Variants in CPPED1 observed in about 807,000 individuals in gnomAD.
The protein encoded by CPPED1 is serine/threonine-protein phosphatase CPPED1.
A neutral mutation model predicts 28.0 loss-of-function variants in CPPED1; 28 were observed. The ratio of observed to expected loss-of-function variants is 1.00; its 90% CI spans 0.74 to 1.37. The LOEUF is 1.37. CPPED1 is among the 40% of genes most tolerant of loss of function. CPPED1 has a pLI of 0.00. For missense variants in CPPED1, 504 were observed against 416.5 expected (o/e 1.21, Z -1.83); for synonymous variants, 198 against 180.2 (o/e 1.10, Z -0.79).
At chr16:12,794,433 AG>A (rs200654320) in intron 1 of CPPED1, among the ~76,000 whole-genome samples, 1 of 148,888 alleles carries the variant, frequency 6.7e-6, no homozygotes, top group African/African-American at 2.5e-5. Context: ...AAAAAAAAAT[AG>A]TGTCCTTCAG....
chr16:12,714,389 C>T (rs548776525), intron 2 of CPPED1, among the ~76,000 whole-genome samples: 9 of 152,292 alleles, frequency 5.9e-5, no homozygotes, highest in African/African-American at 1.9e-4. Context: ...TCCAAAGCAC[C>T]ATCCTACATT....
At chr16:12,766,630 G>A (rs1291367916) in intron 2 of CPPED1, among the ~76,000 whole-genome samples, 4 of 152,134 alleles carry the variant, frequency 2.6e-5, no homozygotes, top group Non-Finnish European at 5.9e-5. Flanking sequence ...CATATCAGGT[G>A]TGGTGGCGGG....
chr16:12,747,708 G>A (rs77228518), intron 2 of CPPED1, among the ~76,000 whole-genome samples: 6,548 of 152,098 alleles, frequency 0.043, 492 homozygotes, highest in African/African-American at 0.15. Context: ...ATGAGCCACC[G>A]CGCCCGGCCT....
At chr16:12,705,801 C>A (rs544729461) in intron 2 of CPPED1, among the ~76,000 whole-genome samples, 4 of 152,338 alleles carry the variant, frequency 2.6e-5, no homozygotes, top group South Asian at 2.1e-4. Flanking sequence ...GCCACCGCGC[C>A]GGGCAGAACA....
intron 1 of CPPED1, among the ~76,000 whole-genome samples, chr16:12,799,670 A>T (rs1262063724): frequency 6.6e-6 from 1 of 152,238 alleles, no homozygotes; most frequent in African/African-American, 2.4e-5. Context: ...CGATGCTAAT[A>T]GAGTCAGGAC....
chr16:12,714,927 C>G (rs2080099456), intron 2 of CPPED1, among the ~76,000 whole-genome samples: 1 of 151,418 alleles, frequency 6.6e-6, no homozygotes, highest in African/African-American at 2.4e-5. Context: ...CTAGTTTTAG[C>G]TCTTCTTTGG....
chr16:12,708,175 GA>G (rs60085959), intron 2 of CPPED1, among the ~76,000 whole-genome samples: 13 of 148,902 alleles, frequency 8.7e-5, no homozygotes, highest in African/African-American at 1.5e-4. Flanking sequence ...TTTATTGTTG[GA>G]AAAAAAAAAG....
At chr16:12,739,362 C>T (rs1388921990) in intron 2 of CPPED1, among the ~76,000 whole-genome samples, 1 of 152,020 alleles carries the variant, frequency 6.6e-6, no homozygotes, top group East Asian at 1.9e-4. Context: ...GGTGGATCAC[C>T]TGAGGTCAGG....
In CPPED1 at chr16:12,664,889, T is replaced by C; in HGVS notation, c.942A>G (p.Lys314=). The change falls in exon 4 of 4, where the codon AAA becomes AAG. Residue 314 remains lysine, a synonymous_variant. Transcript: ENST00000381774. This position sits in a 1 kb window ranked among gnomAD's most constrained non-coding sequence, Gnocchi z 4.2. Reference sequence around the variant, plus strand: ...TGAACGGGAACGGGAAGGAGCGTCATTTTTTCTTGATCAAATCCATGAGAT... The same window carrying C: ...TGAACGGGAACGGGAAGGAGCGTCACTTTTTCTTGATCAAATCCATGAGAT... ...EDDLMDLIKK[K] 2 of 1,606,656 alleles carry C rather than the reference T, an allele frequency of 1.2e-6. No individual in the cohort carries two copies. The highest frequency in any genetic ancestry group is 1.1e-5 in the South Asian group (1 of 89,712).
intron 2 of CPPED1, among the ~76,000 whole-genome samples, chr16:12,771,530 G>A (rs896532921): frequency 1.3e-5 from 2 of 152,324 alleles, no homozygotes; most frequent in Admixed American, 1.3e-4. Context: ...GGGAGAAGGC[G>A]AACTAGCAGA....
At chr16:12,787,969 A>T (rs1329476956) in intron 1 of CPPED1, among the ~76,000 whole-genome samples, 2 of 152,202 alleles carry the variant, frequency 1.3e-5, no homozygotes, top group Non-Finnish European at 1.5e-5. Context: ...GCTCACTTAC[A>T]TAGTGGTTAG....
chr16:12,786,646 C>T (rs946824425), intron 1 of CPPED1, among the ~76,000 whole-genome samples: 1 of 152,158 alleles, frequency 6.6e-6, no homozygotes, highest in Non-Finnish European at 1.5e-5. Flanking sequence ...TTGGGTTGGG[C>T]ATGGTGGCTC....
chr16:12,666,531 T>A (rs988692120), intron 3 of CPPED1, among the ~76,000 whole-genome samples: 13 of 152,204 alleles, frequency 8.5e-5, no homozygotes, highest in African/African-American at 2.9e-4. Flanking sequence ...TTATTTTTTT[T>A]AAAGACCTGA....
At chr16:12,711,264 A>G (rs2080078436) in intron 2 of CPPED1, among the ~76,000 whole-genome samples, 2 of 152,226 alleles carry the variant, frequency 1.3e-5, no homozygotes, top group South Asian at 4.1e-4. Flanking sequence ...TGTCACTTAT[A>G]TGAGGCACTT....
intron 2 of CPPED1, among the ~76,000 whole-genome samples, chr16:12,779,668 C>T (rs996329691): frequency 3.3e-5 from 5 of 152,030 alleles, no homozygotes; most frequent in Non-Finnish European, 4.4e-5. Context: ...TAAGCCACCG[C>T]GCCCGGCCAT....
intron 2 of CPPED1, among the ~76,000 whole-genome samples, chr16:12,721,583 T>C (rs2141198637): frequency 6.6e-6 from 1 of 152,050 alleles, no homozygotes; most frequent in South Asian, 2.1e-4. Flanking sequence ...TGAAACCTCG[T>C]CCCTACTAAA....
At chr16:12,764,460 C>G (rs990168625) in intron 2 of CPPED1, among the ~76,000 whole-genome samples, 2 of 152,164 alleles carry the variant, frequency 1.3e-5, no homozygotes, top group African/African-American at 4.8e-5. Flanking sequence ...ACCTTGGCCT[C>G]TCAAAGTGCT....
chr16:12,731,569 G>C (rs1356549764), intron 2 of CPPED1, among the ~76,000 whole-genome samples: 1 of 151,800 alleles, frequency 6.6e-6, no homozygotes, highest in Non-Finnish European at 1.5e-5. Context: ...CAACAGGAGT[G>C]GTCTCTGGGG....
intron 3 of CPPED1, among the ~76,000 whole-genome samples, chr16:12,669,793 G>C (rs1242377746): frequency 6.6e-6 from 1 of 152,160 alleles, no homozygotes; most frequent in African/African-American, 2.4e-5. Context: ...TGGAGAAATG[G>C]CTACCATAGC....
Sources: allele counts gnomAD v4.1 joint callset (sites outside exome capture counted in the v4.1 genomes callset), GRCh38; gene constraint gnomAD v4.1.1; non-coding constraint Gnocchi (gnomAD v3.1); transcripts MANE v1.5; gene names NCBI Gene and HGNC (gene_info 2026-07-23, HGNC 2026-07-21).